SHTN1: variants seen among roughly 807,000 people sequenced by gnomAD.
SHTN1 encodes the protein shootin-1.
Under a neutral mutation model 83.1 loss-of-function variants are expected in SHTN1, and 42 were observed. The observed-to-expected ratio is 0.51, with a 90% CI of 0.39 to 0.65. The LOEUF is 0.65. Ranked by LOEUF, SHTN1 falls within the 30% of genes least tolerant of loss-of-function variation. The probability of loss-of-function intolerance (pLI) is 0.00; values close to 1 mark genes in which losing one functional copy is unlikely to be tolerated. For synonymous variants in SHTN1, 224 were observed against 247.7 expected, an observed-to-expected ratio of 0.90 and a Z score of 0.90; for missense variants, 622 against 737.8, an observed-to-expected ratio of 0.84 and a Z score of 1.82.
At chr10:116,978,624 AT>A (rs1850898194) in intron 2 of SHTN1, among the ~76,000 whole-genome samples, 1 of 151,504 alleles carries the variant, frequency 6.6e-6, no homozygotes, top group Non-Finnish European at 1.5e-5. Context: ...AGCTATATAT[AT>A]TAGCAAGCAT....
At position 117,061,209 on chromosome 10, in the gene SHTN1, C is replaced by T. The variant is rs149543687; in HGVS notation, c.-188-12699G>A. On this transcript the variant is annotated intron_variant, in intron 1 of 17. Transcript: ENST00000392901. ...TCACTCAGGCTGGAGTGCAGTGGCACGATCCTGGCTCACTGCAACCTCCAT... is the reference window on the plus strand; with the variant it reads ...TCACTCAGGCTGGAGTGCAGTGGCATGATCCTGGCTCACTGCAACCTCCAT... Among the ~76,000 whole-genome samples the T allele has an allele frequency of 5.1e-3, 752 of 148,420 alleles. 5 individuals carry two copies. Among genetic ancestry groups the T allele is most frequent in the African/African-American group, 0.013 (524 of 40,026 alleles).
chr10:116,934,462 A>G (rs1191893219), intron 9 of SHTN1, among the ~76,000 whole-genome samples: 1 of 152,136 alleles, frequency 6.6e-6, no homozygotes, highest in Non-Finnish European at 1.5e-5. Flanking sequence ...AGGTTTGTCA[A>G]AGATCAGATG....
chr10:116,970,163 G>A (rs1037475852), intron 2 of SHTN1, among the ~76,000 whole-genome samples: 2 of 152,096 alleles, frequency 1.3e-5, no homozygotes, highest in Non-Finnish European at 2.9e-5. Flanking sequence ...CAGGAGACAG[G>A]AAATCTCATA....
At chr10:117,067,430 A>G (rs1853018388) in intron 1 of SHTN1, among the ~76,000 whole-genome samples, 1 of 152,166 alleles carries the variant, frequency 6.6e-6, no homozygotes, top group African/African-American at 2.4e-5. Context: ...CGTCTCTACT[A>G]AAAGAAATAC....
At chr10:117,088,074 T>C (rs770347035) in intron 1 of SHTN1, among the ~76,000 whole-genome samples, 3 of 152,224 alleles carry the variant, frequency 2.0e-5, no homozygotes, top group Non-Finnish European at 4.4e-5. Flanking sequence ...TTCTGCTGTA[T>C]TGTTTGTTGT....
At chr10:117,055,646 T>C (rs867366014) in intron 1 of SHTN1, among the ~76,000 whole-genome samples, 15 of 152,294 alleles carry the variant, frequency 9.8e-5, no homozygotes, top group African/African-American at 2.9e-4. Context: ...AGTGGGAGGA[T>C]TGCATGAGGC....
chr10:116,888,970 C>T (rs531304297), intron 16 of SHTN1, among the ~76,000 whole-genome samples: 58 of 152,342 alleles, frequency 3.8e-4, no homozygotes, highest in South Asian at 1.0e-3. Flanking sequence ...GTCACCAGTA[C>T]GAAGGTTTCA....
chr10:117,027,340 G>A (rs567260297), intron 2 of SHTN1, among the ~76,000 whole-genome samples: 2 of 151,988 alleles, frequency 1.3e-5, no homozygotes, highest in South Asian at 4.2e-4. Context: ...CTCACTTCTT[G>A]CTCCTGCTGT....
At chr10:116,921,735 C>G (rs1239833355) in intron 11 of SHTN1, among the ~76,000 whole-genome samples, 1 of 151,980 alleles carries the variant, frequency 6.6e-6, no homozygotes, top group Non-Finnish European at 1.5e-5. Context: ...GGAGAGAGTA[C>G]ACTACTATAA....
At chr10:117,006,962 T>C (rs562693685), upstream of SHTN1, among the ~76,000 whole-genome samples, 4 of 152,246 alleles carry the variant, frequency 2.6e-5, no homozygotes, top group South Asian at 6.2e-4. Flanking sequence ...GGCAATATAG[T>C]ACTTTAGCAT....
chr10:116,928,434 A>C (rs1848824947), intron 10 of SHTN1, among the ~76,000 whole-genome samples: 2 of 152,172 alleles, frequency 1.3e-5, no homozygotes, highest in Admixed American at 1.3e-4. Flanking sequence ...GATTTCTGGA[A>C]ATGTATCGTA....
intron 2 of SHTN1, among the ~76,000 whole-genome samples, chr10:117,013,120 TA>T (rs1203985841): frequency 1.1e-4 from 16 of 152,208 alleles, no homozygotes; most frequent in African/African-American, 3.9e-4. Flanking sequence ...AAGTCAAAAG[TA>T]AAAAAGATTA....
intron 14 of SHTN1, 44 bp from the exon 15 acceptor site, chr10:116,906,791 T>C (rs1330283154): frequency 1.4e-6 from 2 of 1,476,506 alleles, no homozygotes; most frequent in Admixed American, 2.1e-5. Context: ...AATGTCTTAA[T>C]ACAATATACA....
chr10:116,973,726 C>T (rs1287631780), intron 2 of SHTN1: 3 of 423,664 alleles, frequency 7.1e-6, no homozygotes, highest in Admixed American at 5.1e-5. Context: ...ACAGCAGAGC[C>T]TACAACGCCA....
At chr10:116,893,491 T>C (rs1489185747) in intron 16 of SHTN1, among the ~76,000 whole-genome samples, 1 of 151,060 alleles carries the variant, frequency 6.6e-6, no homozygotes, top group South Asian at 2.1e-4. Flanking sequence ...TTCATTCTGC[T>C]AGCTGGTAGT....
At chr10:117,031,050 T>C (rs1050787287) in intron 2 of SHTN1, among the ~76,000 whole-genome samples, 2 of 151,942 alleles carry the variant, frequency 1.3e-5, no homozygotes, top group African/African-American at 4.8e-5. Context: ...GAAGACTACC[T>C]CAAGGCATTT....
At chr10:116,895,178 A>G (rs1847474503) in intron 16 of SHTN1, among the ~76,000 whole-genome samples, 1 of 152,230 alleles carries the variant, frequency 6.6e-6, no homozygotes, top group South Asian at 2.1e-4. Context: ...ATTATCATTT[A>G]GTAAAAGCAT....
At chr10:116,994,177 G>C (rs1851545977) in intron 1 of SHTN1, among the ~76,000 whole-genome samples, 1 of 152,050 alleles carries the variant, frequency 6.6e-6, no homozygotes, top group Non-Finnish European at 1.5e-5. Context: ...TGGTGAGAAA[G>C]TTATAAGCAA....
chr10:116,980,547 CA>C lies in SHTN1; in HGVS notation c.59-1240del, dbSNP rs751077730. Reference sequence around the variant, plus strand: ...ACTTTTGCTTTATGGATTTATCTACCAAAAAAAAAAAACCCTCAGTTTTTCT... The same window carrying C: ...ACTTTTGCTTTATGGATTTATCTACCAAAAAAAAAAACCCTCAGTTTTTCT... On this transcript the variant is annotated intron_variant, in intron 1 of 16. Coordinates refer to ENST00000355371, the MANE Select transcript of SHTN1 (RefSeq NM_001127211.3). Among the ~76,000 whole-genome samples, 1,029 of 110,292 alleles carry C rather than the reference CA, an allele frequency of 9.3e-3. 8 individuals carry two copies. Among genetic ancestry groups the C allele is most frequent in the Non-Finnish European group, 0.012 (582 of 50,406 alleles). 72.4% of individuals were successfully genotyped at this position (110,292 alleles called of 152,430 possible).
Sources: gnomAD v4.1 joint callset for allele counts (sites outside exome capture counted in the v4.1 genomes callset) on GRCh38, gnomAD v4.1.1 for gene constraint, MANE v1.5 for transcripts, NCBI Gene and HGNC (gene_info 2026-07-23, HGNC 2026-07-21) for gene names.